DTWD2: variants seen among roughly 807,000 people sequenced by gnomAD.
The protein encoded by DTWD2 is DTW motif tRNA-uridine aminocarboxypropyltransferase 2.
Under a neutral mutation model 31.8 loss-of-function variants are expected in DTWD2, and 39 were observed. The ratio of observed to expected loss-of-function variants is 1.22; its 90% CI spans 0.95 to 1.60. DTWD2 has a LOEUF of 1.60. Among genes scored for constraint, DTWD2 ranks in the 40% most tolerant of loss-of-function variants. The probability of loss-of-function intolerance (pLI) is 0.00; values close to 1 mark genes in which losing one functional copy is unlikely to be tolerated. For missense variants in DTWD2, 515 were observed against 381.5 expected, an observed-to-expected ratio of 1.35 and a Z score of -2.92; for synonymous variants, 180 against 142.8, an observed-to-expected ratio of 1.26 and a Z score of -1.86.
intron 4 of DTWD2, among the ~76,000 whole-genome samples, chr5:118,924,596 A>C: frequency 6.6e-6 from 1 of 152,232 alleles, no homozygotes; most frequent in Non-Finnish European, 1.5e-5. Flanking sequence ...TAAATCTTGC[A>C]ATATACTAAA....
At chr5:118,965,869 C>T (rs1315050228) in intron 1 of DTWD2, among the ~76,000 whole-genome samples, 2 of 151,910 alleles carry the variant, frequency 1.3e-5, no homozygotes, top group African/African-American at 4.8e-5. Flanking sequence ...GCTGACCTTC[C>T]CTCCACTGTT....
At chr5:118,869,055 A>C (rs1752443769) in intron 4 of DTWD2, among the ~76,000 whole-genome samples, 3 of 152,160 alleles carry the variant, frequency 2.0e-5, no homozygotes, top group Non-Finnish European at 4.4e-5. Context: ...GCACAAAAAA[A>C]AGGAAAGTTA....
Position 118,988,376 on chromosome 5 carries a change from C to CT in DTWD2, c.135dup (p.Glu46ArgfsTer23). On this transcript the variant is annotated frameshift_variant, in exon 1 of 6. Coordinates refer to ENST00000510708, the MANE Select transcript of DTWD2 (RefSeq NM_173666.4). LOFTEE classifies it high-confidence loss of function. ...CCGTCCGCACTGTCGTCGTCCGCCT[C>CT]TGCGCCCAGGGCAGCCGCCGCCGGC... is the stretch of plus-strand genomic sequence containing the variant. 6.3e-7 allele frequency: 1 copy of CT among 1,581,028 alleles called. No individual in the cohort carries two copies. Among genetic ancestry groups the CT allele is most frequent in the Non-Finnish European group, 8.6e-7 (1 of 1,166,154 alleles).
At chr5:118,844,088 G>T (rs1047274792) in intron 5 of DTWD2, among the ~76,000 whole-genome samples, 2 of 152,174 alleles carry the variant, frequency 1.3e-5, no homozygotes, top group African/African-American at 4.8e-5. Context: ...AGGTCCTCAG[G>T]GTAATCCCAC....
chr5:118,984,542 A>G (rs1755378471), intron 1 of DTWD2, among the ~76,000 whole-genome samples: 1 of 152,102 alleles, frequency 6.6e-6, no homozygotes, highest in Non-Finnish European at 1.5e-5. Context: ...ATCTAGGCCT[A>G]GTATGTGCCT....
intron 4 of DTWD2, among the ~76,000 whole-genome samples, chr5:118,914,965 G>A (rs1268641821): frequency 2.6e-5 from 4 of 152,044 alleles, no homozygotes; most frequent in African/African-American, 7.2e-5. Context: ...TCTGGCTCAC[G>A]CCTATAATCC....
intron 4 of DTWD2, among the ~76,000 whole-genome samples, chr5:118,874,404 C>T (rs1440829715): frequency 6.6e-6 from 1 of 152,016 alleles, no homozygotes; most frequent in Admixed American, 6.6e-5. Flanking sequence ...TGAATATGAA[C>T]AAAGTTTGTT....
chr5:118,959,187 T>C (rs1256769581), intron 1 of DTWD2, among the ~76,000 whole-genome samples: 2 of 152,180 alleles, frequency 1.3e-5, no homozygotes, highest in Non-Finnish European at 2.9e-5. Flanking sequence ...TATTCTTTTT[T>C]ACCTAGAAAA....
intron 3 of DTWD2, among the ~76,000 whole-genome samples, chr5:118,933,875 GACCTAAATAAATAAAT>G: frequency 7.0e-6 from 1 of 142,888 alleles, no homozygotes; most frequent in South Asian, 2.2e-4. Flanking sequence ...CCAGGGAACT[GACCTAAATAAATAAAT>G]AAATAAATAA....
intron 5 of DTWD2, among the ~76,000 whole-genome samples, chr5:118,846,611 T>G (rs1487783588): frequency 1.3e-5 from 2 of 152,148 alleles, no homozygotes; most frequent in Admixed American, 1.3e-4. Flanking sequence ...AAAGCAAGTT[T>G]AAACAACAGC....
chr5:118,837,725 AC>A lies in DTWD2; in HGVS notation c.*3191del, dbSNP rs1751604385. On this transcript the variant is annotated 3_prime_UTR_variant, in exon 6 of 6. Transcript: ENST00000510708. ...GGACCAGCCTAAACAACACAGCAAG[AC>A]CCCCATCTCCACAAAAATTAAATGA... 6.6e-6 allele frequency: 1 copy of A among 152,040 alleles called. No homozygotes were observed. The highest frequency in any genetic ancestry group is 2.4e-5 in the African/African-American group (1 of 41,372). 9.4% of individuals were successfully genotyped at this position (152,040 alleles called of 1,614,324 possible).
Position 118,836,373 on chromosome 5 carries a change from G to C in DTWD2, c.*4544C>G, listed in dbSNP as rs1002480586. 2.0e-5 allele frequency among the ~76,000 whole-genome samples: 3 copies of C among 151,966 alleles called. No homozygotes were observed. The highest frequency in any genetic ancestry group is 7.3e-5 in the African/African-American group (3 of 41,364). On this transcript the variant is annotated 3_prime_UTR_variant, in exon 6 of 6. Coordinates refer to ENST00000510708, the MANE Select transcript of DTWD2 (RefSeq NM_173666.4). ...TCTGCCTCAGCCTCCTGAGTAGCTG[G>C]GATTACAGGTGCCTGCCACTACGCC...
chr5:118,947,925 T>C (rs570292024), intron 1 of DTWD2, among the ~76,000 whole-genome samples: 2 of 152,316 alleles, frequency 1.3e-5, no homozygotes, highest in Admixed American at 6.5e-5. Context: ...TGGTTTTGTA[T>C]AGTTCTAAAA....
chr5:118,891,133 T>G (rs764826226), intron 4 of DTWD2, among the ~76,000 whole-genome samples: 11 of 151,380 alleles, frequency 7.3e-5, no homozygotes, highest in Admixed American at 1.3e-4. Context: ...CTGATTAAAT[T>G]TGGCTAAATT....
At chr5:118,864,321 A>T (rs1580773762) in intron 4 of DTWD2, among the ~76,000 whole-genome samples, 1 of 151,190 alleles carries the variant, frequency 6.6e-6, no homozygotes, top group Non-Finnish European at 1.5e-5. Flanking sequence ...ACAGATGAGA[A>T]CTGAACAATG....
chr5:118,884,294 T>C (rs940343032), intron 4 of DTWD2, among the ~76,000 whole-genome samples: 2 of 152,226 alleles, frequency 1.3e-5, no homozygotes, highest in Non-Finnish European at 2.9e-5. Flanking sequence ...TTCACTCCCA[T>C]TGGCTACTTC....
In DTWD2 at chr5:118,988,375, T is replaced by C; in HGVS notation, c.137A>G (p.Glu46Gly). ...CCCGTCCGCACTGTCGTCGTCCGCCTCTGCGCCCAGGGCAGCCGCCGCCGG... is the reference window on the plus strand; with the variant it reads ...CCCGTCCGCACTGTCGTCGTCCGCCCCTGCGCCCAGGGCAGCCGCCGCCGG... ...AVPAAAALGAEADDDSADGLW... is the reference protein window; with the variant it reads ...AVPAAAALGAGADDDSADGLW... Residue 46 changes from glutamate (E) to glycine (G), a missense_variant, in exon 1 of 6, where the codon GAG (glutamate) becomes GGG (glycine). Glu to Gly is a moderately conservative substitution (Grantham distance 98). Transcript: ENST00000510708. 1 of 1,579,908 alleles carries C rather than the reference T, an allele frequency of 6.3e-7. No homozygotes were observed. Among genetic ancestry groups the C allele is most frequent in the African/African-American group, 1.4e-5 (1 of 73,556 alleles).
At chr5:118,855,999 A>G (rs1372439754) in intron 4 of DTWD2, among the ~76,000 whole-genome samples, 1 of 152,158 alleles carries the variant, frequency 6.6e-6, no homozygotes, top group Non-Finnish European at 1.5e-5. Flanking sequence ...TCTTCTAATA[A>G]CCATTTAAGA....
In DTWD2 at chr5:118,836,340, A is replaced by G. The variant is rs1472282953; in HGVS notation, c.*4577T>C. Among the ~76,000 whole-genome samples the G allele has an allele frequency of 1.3e-5, 2 of 152,048 alleles. No individual in the cohort carries two copies. The highest frequency in any genetic ancestry group is 2.4e-5 in the African/African-American group (1 of 41,388). The stretch of plus-strand genomic sequence containing the variant: ...CTGCAACCTCTGCCTCCCAGGTTCA[A>G]GCAATTCTCTGCCTCAGCCTCCTGA... On this transcript the variant is annotated 3_prime_UTR_variant, in exon 6 of 6. Coordinates refer to ENST00000510708, the MANE Select transcript of DTWD2 (RefSeq NM_173666.4).
Sources: allele counts gnomAD v4.1 joint callset (sites outside exome capture counted in the v4.1 genomes callset), GRCh38; gene constraint gnomAD v4.1.1; transcripts MANE v1.5; gene names NCBI Gene and HGNC (gene_info 2026-07-23, HGNC 2026-07-21).